The following RANBP2 variants were observed in gnomAD, a reference collection of about 807,000 sequenced individuals.
RANBP2 encodes the protein RAN binding protein 2, also known as E3 SUMO-protein ligase RanBP2.
A neutral mutation model predicts 303.6 loss-of-function variants in RANBP2; 57 were observed. That is an observed-to-expected ratio of 0.19 (90% CI 0.15 to 0.23). The LOEUF is 0.23. RANBP2 is among the 10% of genes least tolerant of loss of function. RANBP2 has a pLI of 1.00. For synonymous variants in RANBP2, 1,167 were observed against 1,301.5 expected (o/e 0.90, Z 2.23); for missense variants, 3,138 against 3,780.8 (o/e 0.83, Z 4.46).
chr2:108,788,444 C>T (rs1250187595), downstream of RANBP2, among the ~76,000 whole-genome samples: 1 of 150,112 alleles, frequency 6.7e-6, no homozygotes, highest in African/African-American at 2.5e-5. Context: ...ATAGGCTGCG[C>T]GCGGTGGCTC....
chr2:109,227,764 T>C, the RANBP2 span, among the ~76,000 whole-genome samples: 2 of 152,224 alleles, frequency 1.3e-5, no homozygotes, highest in African/African-American at 4.8e-5. Flanking sequence ...CAAGTTCTTT[T>C]TCTGGGTAGG....
the RANBP2 span, among the ~76,000 whole-genome samples, chr2:109,298,494 T>C: frequency 2.6e-5 from 4 of 152,118 alleles, no homozygotes; most frequent in Non-Finnish European, 4.4e-5. Context: ...GGGTGGGGGA[T>C]GATTTAGGTC....
At chr2:108,905,733 C>G in the RANBP2 span, among the ~76,000 whole-genome samples, 5 of 152,146 alleles carry the variant, frequency 3.3e-5, no homozygotes, top group Admixed American at 2.6e-4. Context: ...TTTGCAGGAA[C>G]TGGAAGCTGA....
At chr2:108,982,436 G>A in the RANBP2 span, among the ~76,000 whole-genome samples, 1 of 152,252 alleles carries the variant, frequency 6.6e-6, no homozygotes, top group African/African-American at 2.4e-5. Context: ...TTAAGAACTA[G>A]GGACATTGGC....
chr2:109,251,997 C>G, the RANBP2 span, among the ~76,000 whole-genome samples: 6 of 152,174 alleles, frequency 3.9e-5, no homozygotes, highest in African/African-American at 1.4e-4. Context: ...AATCCCACCA[C>G]TTTGGGAGGC....
chr2:109,078,211 GTATA>G, the RANBP2 span, among the ~76,000 whole-genome samples: 18 of 36,478 alleles, frequency 4.9e-4, 1 homozygote, highest in Non-Finnish European at 1.2e-4. Flanking sequence ...TATATATAGC[GTATA>G]TATATATAGC....
chr2:109,301,732 A>G, the RANBP2 span, among the ~76,000 whole-genome samples: 47 of 152,232 alleles, frequency 3.1e-4, no homozygotes, highest in African/African-American at 1.1e-3. Flanking sequence ...TTTGATTCCC[A>G]TGTATTTGCT....
At chr2:109,247,348 C>A in the RANBP2 span, among the ~76,000 whole-genome samples, 1 of 152,292 alleles carries the variant, frequency 6.6e-6, no homozygotes, top group African/African-American at 2.4e-5. Flanking sequence ...CCCTGAACTT[C>A]GTTAGTTTCT....
chr2:109,682,212 C>T, the RANBP2 span, among the ~76,000 whole-genome samples: 3 of 152,174 alleles, frequency 2.0e-5, no homozygotes, highest in African/African-American at 7.2e-5. Context: ...GGGAGGGACC[C>T]TGACAGTGAG....
At chr2:109,507,803 G>C in the RANBP2 span, among the ~76,000 whole-genome samples, 1 of 152,218 alleles carries the variant, frequency 6.6e-6, no homozygotes, top group African/African-American at 2.4e-5. Context: ...CAACTGAAAA[G>C]CTGAGGGCAG....
the RANBP2 span, among the ~76,000 whole-genome samples, chr2:109,609,159 T>C: frequency 6.6e-6 from 1 of 152,172 alleles, no homozygotes. Context: ...CTAGGGAAAG[T>C]GGGGCTTCAT....
chr2:109,325,098 A>G, the RANBP2 span, among the ~76,000 whole-genome samples: 17,720 of 152,130 alleles, frequency 0.12, 1,220 homozygotes, highest in East Asian at 0.24. Context: ...CATGGCTCTG[A>G]CAAGGCCCAA....
At chr2:109,624,845 C>G in the RANBP2 span, among the ~76,000 whole-genome samples, 113 of 152,194 alleles carry the variant, frequency 7.4e-4, 1 homozygote, top group African/African-American at 2.7e-3. Context: ...CTTTGGGAAG[C>G]CAAGGTGGGC....
chr2:109,398,437 C>T, the RANBP2 span, among the ~76,000 whole-genome samples: 1 of 152,198 alleles, frequency 6.6e-6, no homozygotes, highest in Admixed American at 6.5e-5. Context: ...ACCTATGCCA[C>T]CCCACCAGCC....
At chr2:109,093,645 C>T in the RANBP2 span, among the ~76,000 whole-genome samples, 4 of 151,700 alleles carry the variant, frequency 2.6e-5, no homozygotes, top group Non-Finnish European at 4.4e-5. Flanking sequence ...GAAAAAAGAG[C>T]TCTATGGTTA....
chr2:109,405,339 T>TAATACCCTTCGTCTTCCCC, the RANBP2 span, among the ~76,000 whole-genome samples: 3 of 152,128 alleles, frequency 2.0e-5, no homozygotes, highest in Non-Finnish European at 2.9e-5. Flanking sequence ...TCGTCTTCGC[T>TAATACCCTTCGTCTTCCCC]AATACCCTTC....
At chr2:108,862,261 G>A in the RANBP2 span, among the ~76,000 whole-genome samples, 1 of 151,934 alleles carries the variant, frequency 6.6e-6, no homozygotes, top group African/African-American at 2.4e-5. Flanking sequence ...TTTACAAATG[G>A]GTTATCTTAC....
chr2:109,725,964 C>A, the RANBP2 span, among the ~76,000 whole-genome samples: 1 of 151,834 alleles, frequency 6.6e-6, no homozygotes, highest in South Asian at 2.1e-4. Flanking sequence ...AACTCCTGAC[C>A]GCAGGTGATC....
At chr2:109,074,611 A>G in the RANBP2 span, among the ~76,000 whole-genome samples, 86 of 149,246 alleles carry the variant, frequency 5.8e-4, no homozygotes, top group African/African-American at 2.0e-3. Flanking sequence ...TGAGGCAGAG[A>G]ATAGCTTGAA....
Sources: gnomAD v4.1 joint callset for allele counts (sites outside exome capture counted in the v4.1 genomes callset) on GRCh38, gnomAD v4.1.1 for gene constraint, MANE v1.5 for transcripts, NCBI Gene and HGNC (gene_info 2026-07-23, HGNC 2026-07-21) for gene names.